Variants in SYNE1 observed in about 807,000 individuals in gnomAD.
SYNE1 encodes spectrin repeat containing nuclear envelope protein 1, also known as nesprin-1.
A neutral mutation model predicts 1,111.0 loss-of-function variants in SYNE1; 616 were observed. That is an observed-to-expected ratio of 0.55 (90% CI 0.52 to 0.59). The LOEUF (loss-of-function observed/expected upper bound fraction) is 0.59, where lower values mean the gene tolerates loss of function less well. SYNE1 is among the 20% of genes least tolerant of loss of function. The pLI, the probability that SYNE1 is intolerant of heterozygous loss-of-function variation, is 0.00. For missense variants in SYNE1, 10,006 were observed against 10,417.0 expected (o/e 0.96, Z 1.72); for synonymous variants, 3,855 against 3,825.8 (o/e 1.01, Z -0.28).
intron 3 of SYNE1, among the ~76,000 whole-genome samples, chr6:152,592,616 A>C (rs2099570306): frequency 6.6e-6 from 1 of 152,214 alleles, no homozygotes. Context: ...TACTATGTTC[A>C]CTGCCAGGGT....
chr6:152,398,101 C>T (rs566693974), intron 49 of SYNE1, among the ~76,000 whole-genome samples: 23 of 152,250 alleles, frequency 1.5e-4, no homozygotes, highest in Middle Eastern at 3.4e-3. Context: ...TAACTTGAGC[C>T]TATTCTTCTG....
chr6:152,324,422 G>A (rs947073994), intron 81 of SYNE1, among the ~76,000 whole-genome samples: 9 of 151,872 alleles, frequency 5.9e-5, no homozygotes, highest in Non-Finnish European at 7.4e-5. Flanking sequence ...TATACAATTT[G>A]GGTAATGAGT....
intron 3 of SYNE1, among the ~76,000 whole-genome samples, chr6:152,542,140 T>C (rs1267153062): frequency 6.6e-6 from 1 of 152,286 alleles, no homozygotes; most frequent in East Asian, 1.9e-4. Context: ...GATACCCAAA[T>C]CTCTGTCTTT....
At position 152,241,527 on chromosome 6, in the gene SYNE1, T is replaced by TGTGTGA. The variant is rs59737931; in HGVS notation, c.19893+712_19893+713insTCACAC. On this transcript the variant is annotated intron_variant, in intron 107 of 145. Transcript: ENST00000367255. ...GTGTGTGTGTGTGTGTGTGTGTGTG[T>TGTGTGA]GTGAAATACGCATTCTTCTACCATG... 3.9e-3 allele frequency among the ~76,000 whole-genome samples: 571 copies of TGTGTGA among 145,078 alleles called. 4 individuals carry two copies. Among genetic ancestry groups the TGTGTGA allele is most frequent in the African/African-American group, 0.012 (461 of 38,308 alleles).
At chr6:152,220,776 C>T in intron 119 of SYNE1, 66 bp downstream of exon 119, 1 of 1,466,758 alleles carries the variant, frequency 6.8e-7, no homozygotes, top group South Asian at 1.1e-5. Context: ...CTTACACAGA[C>T]CAAAAGCTAA....
intron 18 of SYNE1, chr6:152,464,743 C>CA (rs528782922): frequency 5.2e-4 from 86 of 166,172 alleles, no homozygotes; most frequent in African/African-American, 1.8e-3. Flanking sequence ...CAGTAACTCT[C>CA]ACAGGCACAC....
intron 8 of SYNE1, among the ~76,000 whole-genome samples, chr6:152,505,989 A>G (rs2099056299): frequency 6.6e-6 from 1 of 152,254 alleles, no homozygotes; most frequent in Non-Finnish European, 1.5e-5. Flanking sequence ...AGGACCCTGT[A>G]TTCCACCTAA....
chr6:152,255,095 G>A lies in SYNE1; in HGVS notation c.19261-6C>T, dbSNP rs893147169. The A allele has an allele frequency of 1.1e-5, 18 of 1,580,596 alleles. No individual in the cohort carries two copies. Among genetic ancestry groups the A allele is most frequent in the Non-Finnish European group, 1.6e-5 (18 of 1,159,780 alleles). On this transcript the variant is annotated splice_region_variant and splice_polypyrimidine_tract_variant and intron_variant, in intron 103 of 145. Coordinates refer to ENST00000367255, the MANE Select transcript of SYNE1 (RefSeq NM_182961.4). ...TTAATGTCTTTGGCAAGAATCTAGA[G>A]GTGATAAAAGGGCATTTTTCAGTGT...
chr6:152,527,553 C>G (rs1024687239), intron 4 of SYNE1, among the ~76,000 whole-genome samples: 6 of 152,030 alleles, frequency 3.9e-5, no homozygotes, highest in African/African-American at 1.4e-4. Context: ...CAATAAGAAT[C>G]AAAATTATTG....
chr6:152,420,513 A>C (rs1236466315), intron 39 of SYNE1, among the ~76,000 whole-genome samples: 1 of 152,108 alleles, frequency 6.6e-6, no homozygotes, highest in South Asian at 2.1e-4. Flanking sequence ...CCAGCTACTT[A>C]GGAGGCTGAG....
chr6:152,551,140 G>A (rs1484976196), intron 3 of SYNE1, among the ~76,000 whole-genome samples: 2 of 152,152 alleles, frequency 1.3e-5, no homozygotes, highest in African/African-American at 4.8e-5. Flanking sequence ...TGATCGGATA[G>A]TAAAGTAATG....
rs2062440366 is a variant in SYNE1, at chr6:152,161,287, A to G, written c.23790+2876T>C. ...ATTTAATAATAAATATATATATTAC[A>G]TTACTACTATGGTAATTTTCTCCTC... On this transcript the variant is annotated intron_variant, in intron 131 of 145. Transcript: ENST00000367255. Among the ~76,000 whole-genome samples the G allele has an allele frequency of 6.7e-5, 10 of 148,436 alleles. 1 individual carries two copies. The South Asian group carries it at 2.1e-3, about 31-fold the overall frequency.
chr6:152,548,197 A>T (rs2099323950), intron 3 of SYNE1, among the ~76,000 whole-genome samples: 2 of 152,200 alleles, frequency 1.3e-5, no homozygotes, highest in Non-Finnish European at 2.9e-5. Context: ...TGCACTACAG[A>T]CAAGTTTTTA....
chr6:152,359,993 C>G (rs1265556817), intron 64 of SYNE1, among the ~76,000 whole-genome samples: 2 of 152,200 alleles, frequency 1.3e-5, no homozygotes, highest in Non-Finnish European at 2.9e-5. Context: ...AACTCCCCAG[C>G]CCAGGCTGCC....
intron 126 of SYNE1, among the ~76,000 whole-genome samples, chr6:152,205,467 T>C (rs1268048264): frequency 6.6e-6 from 1 of 152,232 alleles, no homozygotes; most frequent in African/African-American, 2.4e-5. Flanking sequence ...AACTGAGGCT[T>C]AGATAGGCTA....
intron 105 of SYNE1, among the ~76,000 whole-genome samples, chr6:152,247,384 T>C (rs2087500786): frequency 6.6e-6 from 1 of 152,138 alleles, no homozygotes; most frequent in South Asian, 2.1e-4. Flanking sequence ...CAAAAATTAG[T>C]AAAAATTATT....
intron 10 of SYNE1, among the ~76,000 whole-genome samples, chr6:152,499,730 T>C (rs150555877): frequency 6.6e-6 from 1 of 152,166 alleles, no homozygotes; most frequent in Non-Finnish European, 1.5e-5. Flanking sequence ...ATGTACTACA[T>C]GACAAATGCC....
At chr6:152,506,878 A>G (rs1465846334) in intron 8 of SYNE1, among the ~76,000 whole-genome samples, 1 of 152,168 alleles carries the variant, frequency 6.6e-6, no homozygotes, top group Non-Finnish European at 1.5e-5. Flanking sequence ...TGCACAGCCT[A>G]TCCTTAAATT....
At chr6:152,605,021 A>G (rs60258010) in intron 3 of SYNE1, among the ~76,000 whole-genome samples, 39 of 68,298 alleles carry the variant, frequency 5.7e-4, no homozygotes, top group Middle Eastern at 6.5e-3. Context: ...AGAGAGAGAG[A>G]GAGAGAGAGA....
Sources: gnomAD v4.1 joint callset for allele counts (sites outside exome capture counted in the v4.1 genomes callset) on GRCh38, gnomAD v4.1.1 for gene constraint, MANE v1.5 for transcripts, NCBI Gene and HGNC (gene_info 2026-07-23, HGNC 2026-07-21) for gene names.